The following NEK1 variants were observed in gnomAD, a reference collection of about 807,000 sequenced individuals.
The protein encoded by NEK1 is serine/threonine-protein kinase Nek1.
In NEK1, 137 loss-of-function variants were observed where a neutral mutation model predicts 182.1. The observed-to-expected ratio is 0.75, with a 90% CI of 0.65 to 0.87. The LOEUF (loss-of-function observed/expected upper bound fraction) is 0.87, where lower values mean the gene tolerates loss of function less well. NEK1 is among the 40% of genes least tolerant of loss of function. The probability of loss-of-function intolerance (pLI) is 0.00; values close to 1 mark genes in which losing one functional copy is unlikely to be tolerated. For missense variants in NEK1, 1,391 were observed against 1,494.4 expected (o/e 0.93, Z 1.14); for synonymous variants, 513 against 492.2 (o/e 1.04, Z -0.56).
At chr4:169,579,932 C>T (rs756157664) in intron 11 of NEK1, among the ~76,000 whole-genome samples, 10 of 152,070 alleles carry the variant, frequency 6.6e-5, no homozygotes, top group Admixed American at 3.9e-4. Context: ...CAAATAATTA[C>T]GTTTGAAAAA....
Position 169,400,209 on chromosome 4 carries a change from T to C in NEK1, c.3847+16A>G, listed in dbSNP as rs1189592486. 7.6e-6 allele frequency: 12 copies of C among 1,570,178 alleles called. No individual in the cohort carries two copies. The Middle Eastern group carries it at 1.2e-3, about 154-fold the overall frequency. ...ACATTTACTGAAAATTATACAGACATGTGAGGAAATCTTACCTTCTTGGTA... is the reference window on the plus strand; with the variant it reads ...ACATTTACTGAAAATTATACAGACACGTGAGGAAATCTTACCTTCTTGGTA... On this transcript the variant is annotated intron_variant, in intron 35 of 35. Coordinates refer to ENST00000507142, the MANE Select transcript of NEK1 (RefSeq NM_001199397.3).
rs1762773067 is a variant in NEK1 at position 169,560,649 on chromosome 4, A to G, written c.1266+831T>C. 5.3e-5 allele frequency among the ~76,000 whole-genome samples: 8 copies of G among 152,304 alleles called. No individual in the cohort carries two copies. In the South Asian group the frequency reaches 1.7e-3, roughly 32 times the overall value. ...CATCTTAGAATTCTACCAACTACAA[A>G]TAGAGATATGTATAGGATGCTGTAT... On this transcript the variant is annotated intron_variant, in intron 16 of 35. Transcript: ENST00000507142.
At chr4:169,461,059 C>T (rs1743874879) in intron 27 of NEK1, among the ~76,000 whole-genome samples, 2 of 152,122 alleles carry the variant, frequency 1.3e-5, no homozygotes, top group East Asian at 1.9e-4. Flanking sequence ...ACAAAACAAG[C>T]CTTGATAGTA....
At chr4:169,535,877 T>A in intron 19 of NEK1, among the ~76,000 whole-genome samples, 1 of 126,122 alleles carries the variant, frequency 7.9e-6, no homozygotes, top group African/African-American at 3.2e-5. Flanking sequence ...TTAAACTCCG[T>A]GTCAAAAAAA....
intron 27 of NEK1, among the ~76,000 whole-genome samples, chr4:169,447,290 T>C (rs1740759280): frequency 6.6e-6 from 1 of 152,156 alleles, no homozygotes; most frequent in Non-Finnish European, 1.5e-5. Flanking sequence ...AAAACTTTTA[T>C]CCTAAAATAG....
rs72692969 is a variant in NEK1 at position 169,579,884 on chromosome 4, A to G, written c.868+958T>C. The stretch of plus-strand genomic sequence containing the variant: ...AAATGGGCTCATTTTTATGATACAT[A>G]TTTTTATTAATTTGTCCAAATTCAA... On this transcript the variant is annotated intron_variant, in intron 11 of 35. Transcript: ENST00000507142. Among the ~76,000 whole-genome samples, 534 of 152,274 alleles carry G rather than the reference A, an allele frequency of 3.5e-3. 3 individuals are homozygous for G. Among genetic ancestry groups the G allele is most frequent in the South Asian group, 0.021 (103 of 4,828 alleles).
intron 27 of NEK1, among the ~76,000 whole-genome samples, chr4:169,450,997 T>G (rs762834210): frequency 3.9e-5 from 6 of 152,070 alleles, no homozygotes; most frequent in Non-Finnish European, 8.8e-5. Flanking sequence ...TAGTCTCTGA[T>G]AAAACAGACT....
rs925325442 is a variant in NEK1, at chr4:169,413,645, C to T, written c.3223-6898G>A. ...GATCAGTCACCTCATGTCACTAATACGTCCTTCAAAATCTATACTGATCCA... is the reference window on the plus strand; with the variant it reads ...GATCAGTCACCTCATGTCACTAATATGTCCTTCAAAATCTATACTGATCCA... On this transcript the variant is annotated intron_variant, in intron 31 of 35. Coordinates refer to ENST00000507142, the MANE Select transcript of NEK1 (RefSeq NM_001199397.3). Among the ~76,000 whole-genome samples the T allele has an allele frequency of 5.9e-5, 9 of 152,164 alleles. No homozygotes were observed. In the South Asian group the frequency reaches 8.3e-4, roughly 14 times the overall value.
intron 26 of NEK1, among the ~76,000 whole-genome samples, chr4:169,464,943 G>C (rs1744642481): frequency 6.6e-6 from 1 of 151,926 alleles, no homozygotes; most frequent in African/African-American, 2.4e-5. Context: ...TGAAGTTTGA[G>C]TCTTTAGAAT....
At chr4:169,587,495 T>C (rs1767728725) in intron 9 of NEK1, 64 bp downstream of exon 9, 1 of 896,064 alleles carries the variant, frequency 1.1e-6, no homozygotes, top group Non-Finnish European at 1.7e-6. Flanking sequence ...ACTTAAAATA[T>C]AATAAAAACA....
At chr4:169,451,460 T>G (rs925736673) in intron 27 of NEK1, among the ~76,000 whole-genome samples, 2 of 152,052 alleles carry the variant, frequency 1.3e-5, no homozygotes, top group Middle Eastern at 3.2e-3. Context: ...TGCAATCAAA[T>G]TAGAACTCAG....
chr4:169,506,477 G>A (rs570340425), intron 23 of NEK1, among the ~76,000 whole-genome samples: 4 of 152,166 alleles, frequency 2.6e-5, no homozygotes, highest in South Asian at 2.1e-4. Context: ...AGTAAGGGCC[G>A]GGCGTGGTGG....
intron 19 of NEK1, among the ~76,000 whole-genome samples, chr4:169,510,183 C>T (rs1580346283): frequency 6.6e-6 from 1 of 152,248 alleles, no homozygotes; most frequent in East Asian, 1.9e-4. Context: ...GCTGGCCCTC[C>T]TTCTCTTCTC....
At chr4:169,565,364 C>T (rs904901357) in intron 12 of NEK1, among the ~76,000 whole-genome samples, 1 of 152,128 alleles carries the variant, frequency 6.6e-6, no homozygotes, top group Non-Finnish European at 1.5e-5. Flanking sequence ...GCTCTTTGCC[C>T]ACTACAATGT....
chr4:169,401,653 TG>T lies in NEK1; in HGVS notation c.3581del (p.Ser1194Ter). ...SESALNEEWH[S>X]DNSDGEIASE... Reference sequence around the variant, plus strand: ...AGGTCCAAAACTCTGATCATGCACCTGAGTGCCATTCTTCGTTCAGGGCACT... The same window carrying T: ...AGGTCCAAAACTCTGATCATGCACCTAGTGCCATTCTTCGTTCAGGGCACT... On this transcript the variant is annotated frameshift_variant and splice_region_variant, in exon 33 of 36. Transcript: ENST00000507142. LOFTEE classifies it high-confidence loss of function. The T allele has an allele frequency of 6.2e-7, 1 of 1,612,502 alleles. No homozygotes were observed. The highest frequency in any genetic ancestry group is 8.5e-7 in the Non-Finnish European group (1 of 1,178,614).
intron 18 of NEK1, among the ~76,000 whole-genome samples, chr4:169,545,500 G>A (rs1288054192): frequency 1.1e-4 from 16 of 149,526 alleles, no homozygotes; most frequent in African/African-American, 2.2e-4. Flanking sequence ...GAATAATGCC[G>A]CAATAAACAT....
At chr4:169,581,437 A>T (rs912516241) in intron 10 of NEK1, among the ~76,000 whole-genome samples, 2 of 151,888 alleles carry the variant, frequency 1.3e-5, no homozygotes, top group Admixed American at 6.6e-5. Flanking sequence ...AGGCTGATTT[A>T]AAAAAAATTT....
intron 35 of NEK1, among the ~76,000 whole-genome samples, chr4:169,395,901 A>T (rs1730601145): frequency 6.6e-6 from 1 of 152,178 alleles, no homozygotes; most frequent in Non-Finnish European, 1.5e-5. Flanking sequence ...ACACTACATA[A>T]ATGGTGTAAT....
At chr4:169,457,428 T>G (rs116098516) in intron 27 of NEK1, among the ~76,000 whole-genome samples, 3,046 of 149,128 alleles carry the variant, frequency 0.02, 192 homozygotes, top group Admixed American at 0.14. Context: ...ATATACAAAG[T>G]GGAAATTCCC....
Sources: allele counts gnomAD v4.1 joint callset (sites outside exome capture counted in the v4.1 genomes callset), GRCh38; gene constraint gnomAD v4.1.1; transcripts MANE v1.5; gene names NCBI Gene and HGNC (gene_info 2026-07-23, HGNC 2026-07-21).